The following UBE3B variants were observed in gnomAD, a reference collection of about 807,000 sequenced individuals.
UBE3B encodes the protein ubiquitin-protein ligase E3B.
In UBE3B, 80 loss-of-function variants were observed where a neutral mutation model predicts 132.3. The ratio of observed to expected loss-of-function variants is 0.60; its 90% CI spans 0.50 to 0.73. UBE3B has a LOEUF of 0.73. Among genes scored for constraint, UBE3B ranks in the 30% least tolerant of loss-of-function variants. UBE3B has a pLI of 0.00. For missense variants in UBE3B, 1,196 were observed against 1,362.5 expected (o/e 0.88, Z 1.92); for synonymous variants, 487 against 520.4 (o/e 0.94, Z 0.87).
intron 7 of UBE3B, 74 bp from the exon 8 acceptor site, chr12:109,489,845 C>A: frequency 7.2e-7 from 1 of 1,385,616 alleles, no homozygotes; most frequent in Non-Finnish European, 1.0e-6. Context: ...ATGTGGGACA[C>A]AATTTCCTGT....
chr12:109,512,322 C>T (rs1454059943), intron 18 of UBE3B, among the ~76,000 whole-genome samples: 2 of 152,052 alleles, frequency 1.3e-5, no homozygotes. Flanking sequence ...CTGCAGGACC[C>T]GTCCCACAGA....
rs151084567 is a variant in UBE3B at position 109,486,504 on chromosome 12, C to A, written c.376C>A (p.Leu126Ile). The change falls in exon 6 of 28, where the codon CTC becomes ATC. Residue 126 changes from leucine to isoleucine, a missense_variant. Leu to Ile is a conservative substitution (Grantham distance 5). Coordinates refer to ENST00000342494, the MANE Select transcript of UBE3B (RefSeq NM_130466.4). ...WYVSLACSKD[L>I]TLLWIQQIKN... is the part of the protein sequence containing the mutation. ...TGTGTCCCTGGCTTGTTCTAAGGAC[C>A]TCACCCTCCTTTGGATTCAACAGAT... The A allele has an allele frequency of 1.2e-6, 2 of 1,605,408 alleles. No homozygotes were observed. The highest frequency in any genetic ancestry group is 2.2e-5 in the South Asian group (2 of 90,914).
Position 109,533,693 on chromosome 12 carries a change from G to A in UBE3B, c.3015+135G>A, listed in dbSNP as rs747470546. ...GCTGGACCCCTCAGAGCCAAGTGAG[G>A]AGGGCCCCACAGTTCTCACGGCAGG... is the stretch of plus-strand genomic sequence containing the variant. On this transcript the variant is annotated intron_variant, in intron 27 of 27. Transcript: ENST00000342494. 7 of 946,670 alleles carry A rather than the reference G, an allele frequency of 7.4e-6. No homozygotes were observed. In the East Asian group the frequency reaches 1.3e-4, roughly 17 times the overall value. The allele number at this position is 946,670 out of a possible 1,614,324, so 58.6% of individuals were successfully genotyped here. A position where few individuals can be genotyped will look rare whatever the true frequency, so the allele number is the denominator to read the frequency against.
At chr12:109,505,039 G>A (rs1475072632) in intron 14 of UBE3B, among the ~76,000 whole-genome samples, 1 of 151,956 alleles carries the variant, frequency 6.6e-6, no homozygotes, top group African/African-American at 2.4e-5. Flanking sequence ...TCGATCTCCT[G>A]TGTGTCCAGC....
chr12:109,511,639 G>A (rs977545876), intron 18 of UBE3B, among the ~76,000 whole-genome samples: 2 of 152,206 alleles, frequency 1.3e-5, no homozygotes, highest in Non-Finnish European at 2.9e-5. Context: ...CTTTTGGAGA[G>A]TCAAATGTGC....
chr12:109,485,421 C>T (rs1876263345), intron 4 of UBE3B, among the ~76,000 whole-genome samples: 1 of 152,202 alleles, frequency 6.6e-6, no homozygotes, highest in South Asian at 2.1e-4. Flanking sequence ...GACAGATAAG[C>T]TGGAGGAGGT....
chr12:109,532,801 G>A (rs1883071556), intron 26 of UBE3B, among the ~76,000 whole-genome samples: 1 of 152,202 alleles, frequency 6.6e-6, no homozygotes, highest in African/African-American at 2.4e-5. Flanking sequence ...CAGCCTCACT[G>A]GCTCTGGGGC....
Position 109,524,454 on chromosome 12 carries a change from T to C in UBE3B, c.2519T>C (p.Ile840Thr), listed in dbSNP as rs1032762019. 1.2e-6 allele frequency: 2 copies of C among 1,614,198 alleles called. No individual in the cohort carries two copies. Among genetic ancestry groups the C allele is most frequent in the Non-Finnish European group, 1.7e-6 (2 of 1,180,026 alleles). ...TTACATTAGCGCTATGATGGGGACA[T>C]CACTGACCTGGGCCTGACGCTGTCT... The part of the protein sequence containing the change: ...LTSIKRYDGD[I>T]TDLGLTLSYD... The change falls in exon 23 of 28, where the codon ATC (isoleucine) becomes ACC (threonine). Residue 840 changes from isoleucine to threonine, a missense_variant. By Grantham distance (89) the Ile-to-Thr change is moderately conservative. Coordinates refer to ENST00000342494, the MANE Select transcript of UBE3B (RefSeq NM_130466.4).
At chr12:109,516,146 ATTTTCTTTTTTCTTTTTTTTCTTT>A (rs1329409714) in intron 18 of UBE3B, among the ~76,000 whole-genome samples, 4 of 123,938 alleles carry the variant, frequency 3.2e-5, no homozygotes, top group African/African-American at 8.9e-5. Context: ...AATGAGGAGG[ATTTTCTTTTTTCTTTTTTTTCTTT>A]TTTTTTTTTT....
At chr12:109,486,446 A>G in intron 5 of UBE3B, 25 bp from the exon 6 acceptor site, 2 of 1,560,274 alleles carry the variant, frequency 1.3e-6, no homozygotes, top group Non-Finnish European at 1.8e-6. Flanking sequence ...ACAGCCCATG[A>G]CATTCCTCTT....
At chr12:109,487,859 G>A (rs1402567184) in intron 6 of UBE3B, among the ~76,000 whole-genome samples, 1 of 152,166 alleles carries the variant, frequency 6.6e-6, no homozygotes, top group Non-Finnish European at 1.5e-5. Context: ...TGAGCTTTGA[G>A]GTTTGAACTC....
At position 109,521,641 on chromosome 12, in the gene UBE3B, C is replaced by G. The variant is rs1383248175; in HGVS notation, c.2364+90C>G. The G allele has an allele frequency of 3.3e-6, 4 of 1,220,416 alleles. No homozygotes were observed. The African/African-American group carries it at 4.5e-5, about 14-fold the overall frequency. 75.6% of individuals were successfully genotyped at this position (1,220,416 alleles called of 1,614,324 possible). Reference sequence around the variant, plus strand: ...ATACACATATGTGATCAGGCTTGGCCATGTAAACTGTCACTAGGATACAAG... The same window carrying G: ...ATACACATATGTGATCAGGCTTGGCGATGTAAACTGTCACTAGGATACAAG... On this transcript the variant is annotated intron_variant, in intron 21 of 27. Coordinates refer to ENST00000342494, the MANE Select transcript of UBE3B (RefSeq NM_130466.4). This position sits in a 1 kb window ranked among gnomAD's most constrained non-coding sequence, Gnocchi z 4.2.
rs1221536610 is a variant in UBE3B, at chr12:109,483,622, T to C, written c.71T>C (p.Leu24Pro). The C allele has an allele frequency of 1.9e-6, 3 of 1,613,116 alleles. No homozygotes were observed. The highest frequency in any genetic ancestry group is 1.7e-5 in the Admixed American group (1 of 59,722). Residue 24 changes from leucine (L) to proline (P), a missense_variant, in exon 3 of 28, where the codon CTT (leucine) becomes CCT (proline). Transcript: ENST00000342494. The part of the protein sequence containing the change: ...DRARQAREER[L>P]VQKERERAAV... ...GCCCGTCAGGCACGAGAAGAAAGGC[T>C]TGTGCAGAAGGAACGGGAGCGGGCA...
At chr12:109,516,925 G>A (rs1195618517) in intron 19 of UBE3B, 41 bp downstream of exon 19, 4 of 1,600,186 alleles carry the variant, frequency 2.5e-6, no homozygotes, top group South Asian at 1.1e-5. Flanking sequence ...AAGGAAGTGG[G>A]CCCTGCAACA....
chr12:109,529,852 G>T (rs1592972091), intron 24 of UBE3B, 38 bp from the exon 25 acceptor site: 2 of 1,612,404 alleles, frequency 1.2e-6, no homozygotes, highest in African/African-American at 1.3e-5. Flanking sequence ...GCCCCGTCCT[G>T]TTAATTGTCA....
intron 13 of UBE3B, among the ~76,000 whole-genome samples, chr12:109,501,785 G>A (rs887620560): frequency 2.0e-5 from 3 of 151,938 alleles, no homozygotes; most frequent in Admixed American, 6.6e-5. Context: ...AAGTATAATA[G>A]CTGGGACTAC....
chr12:109,546,551 C>T, the UBE3B span, among the ~76,000 whole-genome samples: 8 of 152,208 alleles, frequency 5.3e-5, no homozygotes, highest in African/African-American at 9.7e-5. Flanking sequence ...AACCCATCCT[C>T]GCTCAGTGCA....
chr12:109,517,862 T>C (rs1881252158), intron 19 of UBE3B: 1 of 399,106 alleles, frequency 2.5e-6, no homozygotes, highest in Non-Finnish European at 5.2e-6. Context: ...TCCTCACGTG[T>C]CTTCATTTTC....
downstream of UBE3B, among the ~76,000 whole-genome samples, chr12:109,540,899 G>A (rs1883596480): frequency 6.6e-6 from 1 of 152,260 alleles, no homozygotes; most frequent in African/African-American, 2.4e-5. Context: ...AGCAGGTGGT[G>A]AGGAGGTATG....
Sources: gnomAD v4.1 joint callset for allele counts (sites outside exome capture counted in the v4.1 genomes callset) on GRCh38, gnomAD v4.1.1 for gene constraint, Gnocchi (gnomAD v3.1) non-coding constraint, MANE v1.5 for transcripts, NCBI Gene and HGNC (gene_info 2026-07-23, HGNC 2026-07-21) for gene names.